Variants in SLC35F4 observed in about 807,000 individuals in gnomAD.
SLC35F4 encodes the protein solute carrier family 35 member F4, also known as chromosome 14 open reading frame 36.
SLC35F4 carries 24 observed loss-of-function variants against 44.2 expected under a neutral mutation model. That is an observed-to-expected ratio of 0.54 (90% CI 0.39 to 0.76). The LOEUF is 0.76. SLC35F4 is among the 30% of genes least tolerant of loss of function. The pLI, the probability that SLC35F4 is intolerant of heterozygous loss-of-function variation, is 0.00. For missense variants in SLC35F4, 562 were observed against 586.1 expected (o/e 0.96, Z 0.42); for synonymous variants, 238 against 223.6 (o/e 1.06, Z -0.57).
intron 3 of SLC35F4, among the ~76,000 whole-genome samples, chr14:57,584,571 T>A (rs1036544902): frequency 6.6e-6 from 1 of 152,172 alleles, no homozygotes; most frequent in South Asian, 2.1e-4. Context: ...CCTTCAGAGA[T>A]AGTATTTTCT....
chr14:57,861,946 C>T (rs552350627), intron 1 of SLC35F4, among the ~76,000 whole-genome samples: 18 of 152,264 alleles, frequency 1.2e-4, no homozygotes, highest in Non-Finnish European at 2.5e-4. Context: ...TTAAATACCA[C>T]CCAAGTACTG....
chr14:57,946,269 T>C lies in SLC35F4; in HGVS notation n.282+35644A>G, dbSNP rs531452871. Among the ~76,000 whole-genome samples, 10 of 152,272 alleles carry C rather than the reference T, an allele frequency of 6.6e-5. 1 individual carries two copies. The East Asian group carries it at 1.9e-3, about 29-fold the overall frequency. On this transcript the variant is annotated intron_variant and non_coding_transcript_variant, in intron 1 of 1. Coordinates refer to the SLC35F4 transcript ENST00000556568. Reference sequence around the variant, plus strand: ...TTTTCATGGTTTCAGGTCTTAGATGTATGCCTTTGATCCATCTTGAGTTGA... The same window carrying C: ...TTTTCATGGTTTCAGGTCTTAGATGCATGCCTTTGATCCATCTTGAGTTGA...
chr14:57,896,508 G>A (rs1191698918), intron 1 of SLC35F4, among the ~76,000 whole-genome samples: 1 of 152,136 alleles, frequency 6.6e-6, no homozygotes, highest in Non-Finnish European at 1.5e-5. Context: ...TCTTGATCTG[G>A]GCAGTGCCCA....
At chr14:57,763,686 G>A (rs942994956) in intron 1 of SLC35F4, among the ~76,000 whole-genome samples, 10 of 152,188 alleles carry the variant, frequency 6.6e-5, no homozygotes, top group African/African-American at 2.4e-4. Flanking sequence ...ACAAAGCACA[G>A]ATGTATAATC....
chr14:57,613,804 T>G lies in SLC35F4; in HGVS notation c.104-19680A>C, dbSNP rs2071647524. On this transcript the variant is annotated intron_variant, in intron 1 of 7. Coordinates refer to ENST00000556826, the MANE Select transcript of SLC35F4 (RefSeq NM_001306087.2). ...CTGTCTCCCACTAGGATTGTGCTCT[T>G]GAGCAAGTTATCTTTCCTCTCCAAG... Among the ~76,000 whole-genome samples, 5 of 152,238 alleles carry G rather than the reference T, an allele frequency of 3.3e-5. No homozygotes were observed. The South Asian group carries it at 1.0e-3, about 32-fold the overall frequency.
intron 1 of SLC35F4, among the ~76,000 whole-genome samples, chr14:57,929,295 T>C (rs1323390534): frequency 6.6e-6 from 1 of 152,126 alleles, no homozygotes; most frequent in Non-Finnish European, 1.5e-5. Context: ...CAAAAGAATA[T>C]GAAAATATAA....
intron 1 of SLC35F4, among the ~76,000 whole-genome samples, chr14:57,820,254 A>G (rs1261630072): frequency 1.3e-5 from 2 of 152,220 alleles, no homozygotes; most frequent in East Asian, 1.9e-4. Context: ...AAAAAAGACT[A>G]GCACACTGTT....
chr14:57,939,988 T>A (rs547926916), intron 1 of SLC35F4, among the ~76,000 whole-genome samples: 5 of 152,292 alleles, frequency 3.3e-5, no homozygotes, highest in African/African-American at 1.2e-4. Flanking sequence ...TAGGAAGATA[T>A]CATTCCCTTT....
intron 1 of SLC35F4, among the ~76,000 whole-genome samples, chr14:57,842,137 G>T (rs903640924): frequency 2.6e-5 from 4 of 152,140 alleles, no homozygotes; most frequent in African/African-American, 9.7e-5. Context: ...TTTTTAAAAA[G>T]TAATAAATAG....
intron 1 of SLC35F4, among the ~76,000 whole-genome samples, chr14:57,680,817 G>T (rs569680629): frequency 6.6e-6 from 1 of 152,102 alleles, no homozygotes; most frequent in Non-Finnish European, 1.5e-5. Flanking sequence ...TATAAGGGAT[G>T]TGAAGGACCT....
At chr14:57,932,385 C>A (rs1889714386) in intron 1 of SLC35F4, among the ~76,000 whole-genome samples, 1 of 152,134 alleles carries the variant, frequency 6.6e-6, no homozygotes, top group Non-Finnish European at 1.5e-5. Flanking sequence ...AATTAGGCAA[C>A]CTGATTTTTT....
At chr14:57,582,924 G>A (rs2077476227) in intron 3 of SLC35F4, among the ~76,000 whole-genome samples, 1 of 152,222 alleles carries the variant, frequency 6.6e-6, no homozygotes, top group Non-Finnish European at 1.5e-5. Flanking sequence ...AAGTTTCATA[G>A]TAAATGTGAC....
At chr14:57,682,329 T>G (rs1157542322) in intron 1 of SLC35F4, among the ~76,000 whole-genome samples, 1 of 152,066 alleles carries the variant, frequency 6.6e-6, no homozygotes, top group Non-Finnish European at 1.5e-5. Context: ...AAAAGATGAG[T>G]TCATATCCTT....
chr14:57,910,317 A>G (rs1344348276), intron 1 of SLC35F4, among the ~76,000 whole-genome samples: 1 of 152,132 alleles, frequency 6.6e-6, no homozygotes, highest in African/African-American at 2.4e-5. Flanking sequence ...AGCCTAGCTT[A>G]TCAATTACTT....
At position 57,865,852 on chromosome 14, in the gene SLC35F4, T is replaced by C. The variant is rs1410162107; in HGVS notation, c.-27A>G. The C allele has an allele frequency of 8.9e-6, 13 of 1,467,256 alleles. No individual in the cohort carries two copies. The highest frequency in any genetic ancestry group is 1.2e-5 in the Non-Finnish European group (13 of 1,104,116). The allele number at this position is 1,467,256 out of a possible 1,614,324, so 90.9% of individuals were successfully genotyped here. On this transcript the variant is annotated 5_prime_UTR_variant, in exon 1 of 8. Coordinates refer to ENST00000556826, the MANE Select transcript of SLC35F4 (RefSeq NM_001306087.2). ...GAGAGCGCGGGGCGACGGCCCCGAGTGCGGCGGGGCGGAGAGCGCAGCGCG... is the reference window on the plus strand; with the variant it reads ...GAGAGCGCGGGGCGACGGCCCCGAGCGCGGCGGGGCGGAGAGCGCAGCGCG...
rs1422363856 is a variant in SLC35F4 at position 57,865,737 on chromosome 14, T to G, written c.89A>C (p.Tyr30Ser). The change falls in exon 1 of 8, where the codon TAC becomes TCC. Residue 30 changes from tyrosine (Y) to serine (S), a missense_variant. Coordinates refer to ENST00000556826, the MANE Select transcript of SLC35F4 (RefSeq NM_001306087.2). Reference protein sequence around the residue: ...ITGYYGYYPGYSSQKSTSRSS... With the variant: ...ITGYYGYYPGSSSQKSTSRSS... Reference sequence around the variant, plus strand: ...CGGCGTCTTACTTTTCTGGCTGGAGTAACCTGGATAATAGCCATAGTAGCC... The same window carrying G: ...CGGCGTCTTACTTTTCTGGCTGGAGGAACCTGGATAATAGCCATAGTAGCC... The G allele has an allele frequency of 1.3e-6, 2 of 1,520,894 alleles. No individual in the cohort carries two copies. Among genetic ancestry groups the G allele is most frequent in the African/African-American group, 2.8e-5 (2 of 71,130 alleles). 94.2% of individuals were successfully genotyped at this position (1,520,894 alleles called of 1,614,324 possible). A position where few individuals can be genotyped will look rare whatever the true frequency, so the allele number is the denominator to read the frequency against.
intron 1 of SLC35F4, among the ~76,000 whole-genome samples, chr14:57,679,182 C>G (rs1224813108): frequency 6.6e-6 from 1 of 152,130 alleles, no homozygotes; most frequent in African/African-American, 2.4e-5. Flanking sequence ...GTCTCTCAGA[C>G]CACACTGCAA....
At chr14:57,829,127 C>A (rs1359602235) in intron 1 of SLC35F4, among the ~76,000 whole-genome samples, 1 of 152,182 alleles carries the variant, frequency 6.6e-6, no homozygotes, top group African/African-American at 2.4e-5. Flanking sequence ...GACATCCAAG[C>A]ACCAAATGAG....
intron 1 of SLC35F4, among the ~76,000 whole-genome samples, chr14:57,946,421 G>T (rs1273466880): frequency 2.0e-5 from 3 of 147,880 alleles, no homozygotes; most frequent in Non-Finnish European, 4.5e-5. Flanking sequence ...CTTTGTCGAA[G>T]ATCAGTTGGC....
Sources: gnomAD v4.1 joint callset for allele counts (sites outside exome capture counted in the v4.1 genomes callset) on GRCh38, gnomAD v4.1.1 for gene constraint, MANE v1.5 for transcripts, NCBI Gene and HGNC (gene_info 2026-07-23, HGNC 2026-07-21) for gene names.